Variants in SBF2 observed in about 807,000 individuals in gnomAD.
SBF2 encodes the protein myotubularin-related protein 13.
SBF2 carries 112 observed loss-of-function variants against 225.2 expected under a neutral mutation model. The ratio of observed to expected loss-of-function variants is 0.50; its 90% CI spans 0.43 to 0.58. The LOEUF is 0.58. SBF2 is among the 20% of genes least tolerant of loss of function. SBF2 has a pLI of 0.00. For missense variants in SBF2, 1,996 were observed against 2,206.2 expected (o/e 0.90, Z 1.91); for synonymous variants, 763 against 773.3 (o/e 0.99, Z 0.22).
chr11:9,807,900 T>G, intron 32 of SBF2, 100 bp downstream of exon 32: 1 of 1,047,654 alleles, frequency 9.5e-7, no homozygotes, highest in Non-Finnish European at 1.5e-6. Context: ...ATCAGAGTTA[T>G]GACAGGAAGG....
chr11:10,090,314 A>G (rs1720756658), intron 2 of SBF2, among the ~76,000 whole-genome samples: 1 of 152,186 alleles, frequency 6.6e-6, no homozygotes, highest in Admixed American at 6.5e-5. Flanking sequence ...ACACTTTAAA[A>G]TGGTTAAAAA....
At chr11:10,269,821 G>A (rs1374431493) in intron 1 of SBF2, among the ~76,000 whole-genome samples, 3 of 152,094 alleles carry the variant, frequency 2.0e-5, no homozygotes, top group Non-Finnish European at 2.9e-5. Context: ...GAGTACAGTA[G>A]TGCAATCATA....
intron 17 of SBF2, among the ~76,000 whole-genome samples, chr11:9,874,513 T>G (rs2134061164): frequency 6.6e-6 from 1 of 152,370 alleles, no homozygotes; most frequent in Admixed American, 6.5e-5. Flanking sequence ...ACTAAAAAGC[T>G]TAAGACTCTT....
intron 2 of SBF2, among the ~76,000 whole-genome samples, chr11:10,089,111 C>A (rs1565216184): frequency 6.6e-6 from 1 of 152,158 alleles, no homozygotes; most frequent in African/African-American, 2.4e-5. Flanking sequence ...GAATACACTG[C>A]ATAGTGGCGA....
chr11:9,798,039 A>C (rs1230512533), intron 32 of SBF2, among the ~76,000 whole-genome samples: 1 of 152,044 alleles, frequency 6.6e-6, no homozygotes, highest in African/African-American at 2.4e-5. Context: ...AATTATAATA[A>C]AACAAGCAGA....
intron 7 of SBF2, 24 bp downstream of exon 7, chr11:10,002,533 A>G (rs1307086252): frequency 1.3e-6 from 2 of 1,575,276 alleles, no homozygotes; most frequent in East Asian, 4.5e-5. Context: ...AGGAATAAAT[A>G]AAATTAACAA....
intron 6 of SBF2, among the ~76,000 whole-genome samples, chr11:10,006,459 T>C (rs909515479): frequency 6.6e-6 from 1 of 152,170 alleles, no homozygotes; most frequent in African/African-American, 2.4e-5. Context: ...CCGGTGGCTT[T>C]TGAAGTAGTT....
chr11:9,917,536 T>C (rs1863201740), intron 16 of SBF2, among the ~76,000 whole-genome samples: 1 of 151,562 alleles, frequency 6.6e-6, no homozygotes, highest in African/African-American at 2.4e-5. Flanking sequence ...TTCACCATGT[T>C]GCCCAGGCTG....
At chr11:9,964,869 A>G (rs1302587764) in intron 14 of SBF2, among the ~76,000 whole-genome samples, 1 of 152,208 alleles carries the variant, frequency 6.6e-6, no homozygotes, top group African/African-American at 2.4e-5. Flanking sequence ...GGTAGTATCA[A>G]TAGTTTTTTT....
intron 16 of SBF2, among the ~76,000 whole-genome samples, chr11:9,924,603 T>C (rs749190473): frequency 3.3e-5 from 5 of 152,074 alleles, no homozygotes; most frequent in Non-Finnish European, 7.4e-5. Context: ...CGCTAATTTT[T>C]GTATTTTTAG....
rs114980534 is a variant in SBF2, at chr11:9,880,470, C to T, written c.1929+15473G>A. Among the ~76,000 whole-genome samples, 840 of 152,298 alleles carry T rather than the reference C, an allele frequency of 5.5e-3. 7 individuals are homozygous for T. Among genetic ancestry groups the T allele is most frequent in the African/African-American group, 0.019 (801 of 41,568 alleles). On this transcript the variant is annotated intron_variant, in intron 17 of 39. Transcript: ENST00000256190. ...GATGGGACATGTGCTCTTCATGTGG[C>T]CTGCTAACTCATTTGCGTTATTTGT... is the stretch of plus-strand genomic sequence containing the variant.
intron 2 of SBF2, among the ~76,000 whole-genome samples, chr11:10,110,086 C>T (rs557728328): frequency 2.0e-5 from 3 of 152,246 alleles, no homozygotes; most frequent in South Asian, 2.1e-4. Flanking sequence ...TGGATTTATT[C>T]GTCCAGATGT....
intron 17 of SBF2, among the ~76,000 whole-genome samples, chr11:9,873,814 C>T (rs941557323): frequency 1.2e-4 from 18 of 152,058 alleles, no homozygotes; most frequent in East Asian, 3.9e-4. Flanking sequence ...TTTGGGAGGC[C>T]GAGGCGGGTG....
chr11:10,075,973 T>C (rs1047192380), intron 2 of SBF2, among the ~76,000 whole-genome samples: 2 of 151,480 alleles, frequency 1.3e-5, no homozygotes, highest in Admixed American at 1.3e-4. Flanking sequence ...AATAGCAAAA[T>C]AGCATGTACA....
chr11:10,251,926 T>C (rs1960390519), intron 1 of SBF2, among the ~76,000 whole-genome samples: 1 of 152,060 alleles, frequency 6.6e-6, no homozygotes, highest in East Asian at 1.9e-4. Flanking sequence ...CTGACCAAAA[T>C]GGGGAAATTT....
intron 32 of SBF2, among the ~76,000 whole-genome samples, chr11:9,802,185 T>G (rs1853532135): frequency 6.6e-6 from 1 of 152,222 alleles, no homozygotes; most frequent in Non-Finnish European, 1.5e-5. Context: ...ACATAAAAAT[T>G]TAATCTTTGT....
intron 28 of SBF2, 25 bp downstream of exon 28, chr11:9,829,331 G>C (rs372108899): frequency 1.2e-6 from 2 of 1,612,714 alleles, no homozygotes; most frequent in South Asian, 2.2e-5. Flanking sequence ...AAGCTGTCAA[G>C]AAGAAAAGTA....
At chr11:9,967,947 G>GTCTCTC (rs1214352340) in intron 14 of SBF2, among the ~76,000 whole-genome samples, 103 of 100,240 alleles carry the variant, frequency 1.0e-3, no homozygotes, top group African/African-American at 2.0e-3. Flanking sequence ...CTGTCTGTCT[G>GTCTCTC]TCTCTCTCTC....
At chr11:9,875,205 G>C (rs1352153648) in intron 17 of SBF2, among the ~76,000 whole-genome samples, 2 of 152,282 alleles carry the variant, frequency 1.3e-5, no homozygotes, top group East Asian at 1.9e-4. Flanking sequence ...TAGAATTCTA[G>C]AAAATGAGTA....
Sources: allele counts gnomAD v4.1 joint callset (sites outside exome capture counted in the v4.1 genomes callset), GRCh38; gene constraint gnomAD v4.1.1; transcripts MANE v1.5; gene names NCBI Gene and HGNC (gene_info 2026-07-23, HGNC 2026-07-21).